OGDH: variants seen among roughly 807,000 people sequenced by gnomAD.
OGDH encodes oxoglutarate dehydrogenase, also known as 2-oxoglutarate dehydrogenase complex component E1.
In OGDH, 38 loss-of-function variants were observed where a neutral mutation model predicts 116.6. The observed-to-expected ratio is 0.33, with a 90% CI of 0.25 to 0.43. The LOEUF is 0.43. Among genes scored for constraint, OGDH ranks in the 20% least tolerant of loss-of-function variants. The pLI, the probability that OGDH is intolerant of heterozygous loss-of-function variation, is 1.00. For synonymous variants in OGDH, 488 were observed against 533.3 expected (o/e 0.92, Z 1.17); for missense variants, 825 against 1,357.2 (o/e 0.61, Z 6.16).
chr7:44,684,424 AG>A (rs1288540598), intron 10 of OGDH, among the ~76,000 whole-genome samples: 2 of 152,246 alleles, frequency 1.3e-5, no homozygotes, highest in Non-Finnish European at 2.9e-5. Flanking sequence ...CAAATACTAA[AG>A]AGCTCAAAAT....
intron 1 of OGDH, among the ~76,000 whole-genome samples, chr7:44,619,438 T>C (rs1784925575): frequency 6.6e-6 from 1 of 152,206 alleles, no homozygotes; most frequent in Non-Finnish European, 1.5e-5. Context: ...ACACATTTAG[T>C]CACAGAAATC....
At chr7:44,682,538 A>G (rs927962873) in intron 10 of OGDH, among the ~76,000 whole-genome samples, 3 of 151,886 alleles carry the variant, frequency 2.0e-5, no homozygotes, top group East Asian at 3.9e-4. Context: ...TCTCTACTAA[A>G]AATACAAAGC....
intron 2 of OGDH, among the ~76,000 whole-genome samples, chr7:44,637,442 A>G (rs1450097197): frequency 6.6e-6 from 1 of 152,232 alleles, no homozygotes; most frequent in Admixed American, 6.5e-5. Context: ...CCTGTTCACA[A>G]ACCTTACAGT....
At chr7:44,691,800 C>T (rs968969975) in intron 10 of OGDH, among the ~76,000 whole-genome samples, 1 of 151,026 alleles carries the variant, frequency 6.6e-6, no homozygotes, top group Non-Finnish European at 1.5e-5. Context: ...CACCATGAAA[C>T]CCCATCTCTA....
chr7:44,668,733 G>A (rs551865701), intron 5 of OGDH, among the ~76,000 whole-genome samples: 48 of 152,290 alleles, frequency 3.2e-4, no homozygotes, highest in African/African-American at 1.1e-3. Context: ...ATAGTTTCTA[G>A]TTCTGCCTAC....
At chr7:44,672,647 T>TA (rs1193240064) in intron 5 of OGDH, among the ~76,000 whole-genome samples, 1 of 148,544 alleles carries the variant, frequency 6.7e-6, no homozygotes, top group African/African-American at 2.5e-5. Flanking sequence ...GTTTTTTGTT[T>TA]TTTTTTTTTT....
chr7:44,679,298 A>G (rs1025733923), intron 9 of OGDH, among the ~76,000 whole-genome samples: 2 of 152,164 alleles, frequency 1.3e-5, no homozygotes, highest in Non-Finnish European at 2.9e-5. Context: ...ACTCAAAACC[A>G]ATGGCTTTTA....
At chr7:44,664,324 C>T (rs1413710322) in intron 4 of OGDH, among the ~76,000 whole-genome samples, 2 of 152,142 alleles carry the variant, frequency 1.3e-5, no homozygotes, top group African/African-American at 4.8e-5. Context: ...TTTTGGATTC[C>T]CTCTTGGGCC....
chr7:44,612,591 G>A (rs188358123), intron 1 of OGDH, among the ~76,000 whole-genome samples: 13 of 152,028 alleles, frequency 8.6e-5, no homozygotes, highest in African/African-American at 3.1e-4. Flanking sequence ...CACCATGTTG[G>A]CCAGGCTGGT....
intron 5 of OGDH, among the ~76,000 whole-genome samples, chr7:44,670,261 A>G (rs1321393099): frequency 6.6e-6 from 1 of 152,190 alleles, no homozygotes; most frequent in Non-Finnish European, 1.5e-5. Flanking sequence ...GGAGAGAGGA[A>G]AGGCATGGGC....
chr7:44,647,388 C>A (rs1786231564), intron 3 of OGDH: 1 of 1,221,170 alleles, frequency 8.2e-7, no homozygotes, highest in Non-Finnish European at 1.2e-6. Flanking sequence ...ACTCTTTTAA[C>A]CCTCCCCACA....
chr7:44,708,089 C>G lies in OGDH; in HGVS notation c.*90C>G. 2 of 1,504,302 alleles carry G rather than the reference C, an allele frequency of 1.3e-6. No individual in the cohort carries two copies. The highest frequency in any genetic ancestry group is 1.2e-5 in the South Asian group (1 of 80,204). 93.2% of individuals were successfully genotyped at this position (1,504,302 alleles called of 1,614,324 possible). On this transcript the variant is annotated 3_prime_UTR_variant, in exon 23 of 23. Coordinates refer to ENST00000222673, the MANE Select transcript of OGDH (RefSeq NM_002541.4). ...CTAAAGAATAGTGCCTCAGCGCTGC[C>G]CACACCACCGCCCTCCTCGCTGTGC...
Position 44,707,719 on chromosome 7 carries a change from C to T in OGDH, c.2934C>T (p.Ser978=). The T allele has an allele frequency of 6.2e-7, 1 of 1,614,172 alleles. No individual in the cohort carries two copies. Among genetic ancestry groups the T allele is most frequent in the Non-Finnish European group, 8.5e-7 (1 of 1,180,036 alleles). Residue 978 remains serine (S), a synonymous_variant, in exon 22 of 23, where the codon AGC becomes AGT. Coordinates refer to ENST00000222673, the MANE Select transcript of OGDH (RefSeq NM_002541.4). The surrounding 1 kb of genome is among the most constrained non-coding windows in gnomAD (Gnocchi z 5.2). ...YVKPRLRTTI[S]RAKPVWYAGR... ...AGCCAAGACTTCGGACCACCATCAG[C>T]CGCGCCAAGCCCGTCTGGTAAGGCT...
intron 2 of OGDH, among the ~76,000 whole-genome samples, chr7:44,631,508 G>A (rs1267771720): frequency 6.6e-6 from 1 of 152,166 alleles, no homozygotes; most frequent in Non-Finnish European, 1.5e-5. Flanking sequence ...CAGCACTTGT[G>A]GCTTTTTGTG....
chr7:44,612,586 T>C (rs567977384), intron 1 of OGDH, among the ~76,000 whole-genome samples: 9 of 152,122 alleles, frequency 5.9e-5, no homozygotes, highest in Admixed American at 2.0e-4. Flanking sequence ...GGTTTCACCA[T>C]GTTGGCCAGG....
chr7:44,648,188 G>A (rs951788069), intron 4 of OGDH, among the ~76,000 whole-genome samples: 1 of 152,230 alleles, frequency 6.6e-6, no homozygotes, highest in African/African-American at 2.4e-5. Context: ...GCCTGCCCTT[G>A]ACTGGAGGCC....
chr7:44,660,270 G>A (rs1322080662), intron 4 of OGDH, among the ~76,000 whole-genome samples: 1 of 152,158 alleles, frequency 6.6e-6, no homozygotes, highest in Non-Finnish European at 1.5e-5. Context: ...GACTACAGGT[G>A]TATGCCACCA....
chr7:44,665,106 C>G (rs889296391), intron 4 of OGDH, among the ~76,000 whole-genome samples: 2 of 152,164 alleles, frequency 1.3e-5, no homozygotes, highest in African/African-American at 2.4e-5. Context: ...AAAGATGATT[C>G]TGTTTTTCCT....
intron 4 of OGDH, among the ~76,000 whole-genome samples, chr7:44,661,838 A>G (rs900124972): frequency 6.6e-6 from 1 of 152,140 alleles, no homozygotes; most frequent in Non-Finnish European, 1.5e-5. Context: ...TGACCTCATG[A>G]TCTACCTGCC....
Sources: gnomAD v4.1 joint callset for allele counts (sites outside exome capture counted in the v4.1 genomes callset) on GRCh38, gnomAD v4.1.1 for gene constraint, Gnocchi (gnomAD v3.1) non-coding constraint, MANE v1.5 for transcripts, NCBI Gene and HGNC (gene_info 2026-07-23, HGNC 2026-07-21) for gene names.